CNN3: variants seen among roughly 807,000 people sequenced by gnomAD.
The protein encoded by CNN3 is calponin 3.
CNN3 carries 11 observed loss-of-function variants against 39.0 expected under a neutral mutation model. That is an observed-to-expected ratio of 0.28 (90% confidence interval 0.18 to 0.47). CNN3 has a LOEUF of 0.47. Ranked by LOEUF, CNN3 falls within the 20% of genes least tolerant of loss-of-function variation. The probability of loss-of-function intolerance (pLI) is 0.99; values close to 1 mark genes in which losing one functional copy is unlikely to be tolerated. For synonymous variants in CNN3, 101 were observed against 138.3 expected (o/e 0.73, Z 1.89); for missense variants, 266 against 403.4 (o/e 0.66, Z 2.92).
chr1:94,922,381 C>T, intron 1 of CNN3, among the ~76,000 whole-genome samples: 1 of 151,990 alleles, frequency 6.6e-6, no homozygotes, highest in South Asian at 2.1e-4. Flanking sequence ...AAATCTATTC[C>T]CGATGAATAA....
intron 1 of CNN3, chr1:94,924,067 T>C (rs1671515973): frequency 6.6e-6 from 1 of 152,218 alleles, no homozygotes; most frequent in Non-Finnish European, 1.5e-5. Flanking sequence ...TGGGGGTAGA[T>C]GGGGGGAATC....
chr1:94,914,268 T>G (rs1052041595), intron 1 of CNN3, among the ~76,000 whole-genome samples: 2 of 152,164 alleles, frequency 1.3e-5, no homozygotes, highest in African/African-American at 4.8e-5. Context: ...ATGACCTGTT[T>G]GCAACTTTTC....
chr1:94,903,305 A>T (rs1670915449), intron 2 of CNN3, 98 bp downstream of exon 2: 1 of 1,546,088 alleles, frequency 6.5e-7, no homozygotes, highest in South Asian at 1.3e-5. Context: ...TCTGTAGAAT[A>T]TCAAGGTCTG....
chr1:94,907,234 T>C (rs1671025600), intron 1 of CNN3, among the ~76,000 whole-genome samples: 1 of 152,168 alleles, frequency 6.6e-6, no homozygotes, highest in African/African-American at 2.4e-5. Flanking sequence ...AAATAACTGT[T>C]GGTGTGGGCT....
intron 1 of CNN3, among the ~76,000 whole-genome samples, chr1:94,912,926 C>T (rs546337529): frequency 6.6e-6 from 1 of 152,268 alleles, no homozygotes; most frequent in African/African-American, 2.4e-5. Context: ...AGAAGGAACA[C>T]CATGCCCACT....
intron 1 of CNN3, 21 bp from the exon 2 acceptor site, chr1:94,903,545 C>G: frequency 6.2e-7 from 1 of 1,613,348 alleles, no homozygotes; most frequent in Non-Finnish European, 8.5e-7. Context: ...GGTTAACTCA[C>G]TTTAGAAGAA....
intron 1 of CNN3, among the ~76,000 whole-genome samples, chr1:94,924,773 A>C (rs1243978519): frequency 6.6e-6 from 1 of 152,236 alleles, no homozygotes; most frequent in East Asian, 1.9e-4. Context: ...AATCTTTCTG[A>C]GCTTCAGTGT....
At chr1:94,908,590 G>C (rs979455559) in intron 1 of CNN3, among the ~76,000 whole-genome samples, 15 of 152,128 alleles carry the variant, frequency 9.9e-5, no homozygotes, top group African/African-American at 3.4e-4. Context: ...ACCCAAGCTG[G>C]AGTGCCATAG....
In CNN3 at chr1:94,897,888, G is replaced by C. The variant is rs1332431415; in HGVS notation, c.844C>G (p.His282Asp). 2 of 1,614,002 alleles carry C rather than the reference G, an allele frequency of 1.2e-6. No homozygotes were observed. Among genetic ancestry groups the C allele is most frequent in the Non-Finnish European group, 1.7e-6 (2 of 1,180,018 alleles). Residue 282 changes from histidine to aspartate, a missense_variant, in exon 7 of 7, where the codon CAC becomes GAC. Transcript: ENST00000370206. Reference sequence around the variant, plus strand: ...GTTCCTGTTCCTTGGCTTCCGTTGTGAATGACAGGTTCTGTAGGAGCAGCA... The same window carrying C: ...GTTCCTGTTCCTTGGCTTCCGTTGTCAATGACAGGTTCTGTAGGAGCAGCA... Reference protein sequence around the residue: ...YCAAPTEPVIHNGSQGTGTNG... With the variant: ...YCAAPTEPVIDNGSQGTGTNG...
intron 1 of CNN3, among the ~76,000 whole-genome samples, chr1:94,910,229 T>A (rs1671123170): frequency 1.3e-5 from 2 of 152,236 alleles, no homozygotes; most frequent in South Asian, 4.1e-4. Flanking sequence ...TCTTCTTTCA[T>A]CTTCTTTCTC....
At chr1:94,916,264 G>C (rs567993312) in intron 1 of CNN3, among the ~76,000 whole-genome samples, 1 of 152,258 alleles carries the variant, frequency 6.6e-6, no homozygotes, top group East Asian at 1.9e-4. Context: ...AAATTAGCCA[G>C]GCATGGTGGT....
chr1:94,918,890 C>CAA (rs35284184), intron 1 of CNN3, among the ~76,000 whole-genome samples: 29 of 102,760 alleles, frequency 2.8e-4, no homozygotes, highest in Middle Eastern at 5.4e-3. Flanking sequence ...AAGACTGTCT[C>CAA]AAAAAAAAAA....
chr1:94,904,389 G>A (rs1185908005), intron 1 of CNN3, among the ~76,000 whole-genome samples: 1 of 152,042 alleles, frequency 6.6e-6, no homozygotes, highest in East Asian at 1.9e-4. Flanking sequence ...AAAATCACAT[G>A]CCCAAGTTCT....
intron 6 of CNN3, among the ~76,000 whole-genome samples, 195 bp from the exon 7 acceptor site, chr1:94,898,278 A>G (rs1670775351): frequency 6.6e-6 from 1 of 152,186 alleles, no homozygotes; most frequent in Non-Finnish European, 1.5e-5. Flanking sequence ...TTGGCTTTTG[A>G]GCTAGGTGAG....
At chr1:94,898,407 G>T (rs917745459) in intron 6 of CNN3, among the ~76,000 whole-genome samples, 3 of 152,182 alleles carry the variant, frequency 2.0e-5, no homozygotes, top group Admixed American at 2.0e-4. Context: ...CTGGATTTAA[G>T]AGAGAATGAG....
intron 1 of CNN3, among the ~76,000 whole-genome samples, chr1:94,913,591 C>T (rs1044777914): frequency 2.6e-5 from 4 of 152,188 alleles, no homozygotes; most frequent in Non-Finnish European, 5.9e-5. Context: ...GATAAGCTGA[C>T]ATCAGTTTCT....
chr1:94,926,973 G>C lies in CNN3; in HGVS notation c.-79C>G. 1 of 1,478,374 alleles carries C rather than the reference G, an allele frequency of 6.8e-7. No homozygotes were observed. Among genetic ancestry groups the C allele is most frequent in the Non-Finnish European group, 9.3e-7 (1 of 1,077,868 alleles). 91.6% of individuals were successfully genotyped at this position (1,478,374 alleles called of 1,614,324 possible). A position where few individuals can be genotyped will look rare whatever the true frequency, so the allele number is the denominator to read the frequency against. ...TCGCTTCCCCGCTCCTGGCCCCGAG[G>C]AGTGGCCGCCGCGGGGGATGCTCGA... On this transcript the variant is annotated 5_prime_UTR_variant, in exon 1 of 7. Coordinates refer to ENST00000370206, the MANE Select transcript of CNN3 (RefSeq NM_001839.5). The surrounding 1 kb of genome is among the most constrained non-coding windows in gnomAD (Gnocchi z 4.2).
intron 1 of CNN3, among the ~76,000 whole-genome samples, chr1:94,907,109 T>C (rs899245429): frequency 6.6e-6 from 1 of 152,170 alleles, no homozygotes; most frequent in Non-Finnish European, 1.5e-5. Context: ...GGTGATGCTG[T>C]CCTTGAGACT....
chr1:94,909,839 C>A (rs9432616), intron 1 of CNN3, among the ~76,000 whole-genome samples: 1 of 151,680 alleles, frequency 6.6e-6, no homozygotes, highest in Non-Finnish European at 1.5e-5. Context: ...CGGTGTACGC[C>A]GAGAGCATTC....
Sources: allele counts gnomAD v4.1 joint callset (sites outside exome capture counted in the v4.1 genomes callset), GRCh38; gene constraint gnomAD v4.1.1; non-coding constraint Gnocchi (gnomAD v3.1); transcripts MANE v1.5; gene names NCBI Gene and HGNC (gene_info 2026-07-23, HGNC 2026-07-21).